Variants in MARCHF5 observed in about 807,000 individuals in gnomAD.
MARCHF5 encodes the protein E3 ubiquitin-protein ligase MARCHF5.
In MARCHF5, 5 loss-of-function variants were observed where a neutral mutation model predicts 36.5. That is an observed-to-expected ratio of 0.14 (90% CI 0.07 to 0.29). The LOEUF is 0.29. Among genes scored for constraint, MARCHF5 ranks in the 10% least tolerant of loss-of-function variants. The pLI is 1.00. For missense variants in MARCHF5, 179 were observed against 336.3 expected, an observed-to-expected ratio of 0.53 and a Z score of 3.66; for synonymous variants, 103 against 109.9, an observed-to-expected ratio of 0.94 and a Z score of 0.39.
At chr10:92,333,163 CAAAAGAAAAAAAAA>C (rs1482975156) in intron 2 of MARCHF5, among the ~76,000 whole-genome samples, 20 of 44,772 alleles carry the variant, frequency 4.5e-4, no homozygotes, top group East Asian at 1.3e-3. Context: ...TCCGTCTTGC[CAAAAGAAAAAAAAA>C]AAAAGAAAAA....
intron 1 of MARCHF5, among the ~76,000 whole-genome samples, chr10:92,294,604 T>C (rs1240427406): frequency 6.6e-6 from 1 of 152,220 alleles, no homozygotes; most frequent in African/African-American, 2.4e-5. Context: ...CCCAACCTGG[T>C]TTTTGGTGGC....
At chr10:92,324,876 T>C (rs1843336265) in intron 2 of MARCHF5, among the ~76,000 whole-genome samples, 1 of 152,208 alleles carries the variant, frequency 6.6e-6, no homozygotes, top group South Asian at 2.1e-4. Context: ...TTTAACTATA[T>C]TAAAACTTTT....
chr10:92,293,045 A>AT (rs928828420), intron 1 of MARCHF5, among the ~76,000 whole-genome samples: 29 of 151,940 alleles, frequency 1.9e-4, no homozygotes, highest in South Asian at 6.2e-4. Context: ...TTTGTAGTTA[A>AT]TTTTTTTCCT....
At chr10:92,322,232 G>A (rs1248832941) in intron 2 of MARCHF5, among the ~76,000 whole-genome samples, 3 of 86,058 alleles carry the variant, frequency 3.5e-5, no homozygotes, top group Non-Finnish European at 6.2e-5. Flanking sequence ...CAACAAGAGC[G>A]AAACTCCGTC....
chr10:92,294,185 G>A (rs1185488591), intron 1 of MARCHF5, among the ~76,000 whole-genome samples: 1 of 152,164 alleles, frequency 6.6e-6, no homozygotes, highest in Non-Finnish European at 1.5e-5. Context: ...AGAGATAGTA[G>A]GGTATAGTGA....
chr10:92,314,579 T>G (rs1843184589), intron 2 of MARCHF5, among the ~76,000 whole-genome samples: 1 of 151,984 alleles, frequency 6.6e-6, no homozygotes, highest in African/African-American at 2.4e-5. Context: ...GAGGCAGAGG[T>G]TGCTGTGAGC....
At chr10:92,340,630 T>TA in intron 2 of MARCHF5, 43 bp from the exon 3 acceptor site, 1 of 1,536,592 alleles carries the variant, frequency 6.5e-7, no homozygotes, top group Non-Finnish European at 8.8e-7. Context: ...ATTTTAAAAG[T>TA]TCACCCTGTG....
chr10:92,317,967 T>G (rs1232368074), intron 2 of MARCHF5, among the ~76,000 whole-genome samples: 1 of 152,008 alleles, frequency 6.6e-6, no homozygotes, highest in East Asian at 1.9e-4. Flanking sequence ...GCCAGGCTGG[T>G]CTAGAACTCC....
At chr10:92,344,838 A>T (rs1843622299) in intron 3 of MARCHF5, among the ~76,000 whole-genome samples, 2 of 151,732 alleles carry the variant, frequency 1.3e-5, no homozygotes, top group Non-Finnish European at 2.9e-5. Context: ...CAACACAATA[A>T]TTTTTTTTTC....
intron 2 of MARCHF5, 95 bp from the exon 3 acceptor site, chr10:92,340,578 G>C: frequency 1.5e-5 from 18 of 1,179,364 alleles, no homozygotes; most frequent in Non-Finnish European, 1.9e-5. Context: ...TGTCTTGTTG[G>C]GGGGAAGGTA....
At chr10:92,311,615 CAA>C (rs1843145745) in intron 2 of MARCHF5, among the ~76,000 whole-genome samples, 1 of 151,734 alleles carries the variant, frequency 6.6e-6, no homozygotes, top group Non-Finnish European at 1.5e-5. Flanking sequence ...AATTGAATAA[CAA>C]AGCTCTAATA....
intron 2 of MARCHF5, among the ~76,000 whole-genome samples, chr10:92,317,450 T>C (rs1271632829): frequency 6.6e-6 from 1 of 152,198 alleles, no homozygotes; most frequent in Non-Finnish European, 1.5e-5. Flanking sequence ...TTTTTAGATT[T>C]TTTTTTTAGT....
intron 1 of MARCHF5, among the ~76,000 whole-genome samples, chr10:92,308,065 C>T (rs76022987): frequency 2.0e-5 from 3 of 151,762 alleles, no homozygotes; most frequent in African/African-American, 7.2e-5. Flanking sequence ...CTCAGCCTCC[C>T]GAGTAGCTGG....
intron 2 of MARCHF5, among the ~76,000 whole-genome samples, chr10:92,314,105 G>A (rs1289966122): frequency 6.6e-6 from 1 of 152,028 alleles, no homozygotes; most frequent in East Asian, 1.9e-4. Flanking sequence ...CTAGCTACTC[G>A]GGAGGCTCAG....
intron 2 of MARCHF5, among the ~76,000 whole-genome samples, chr10:92,319,899 G>GCA (rs1564947845): frequency 1.4e-4 from 20 of 144,500 alleles, no homozygotes; most frequent in South Asian, 8.7e-4. Context: ...TGATCTGCCC[G>GCA]TCTTGGCCTC....
At chr10:92,328,817 A>ATTT (rs1343619682) in intron 2 of MARCHF5, among the ~76,000 whole-genome samples, 343 of 86,282 alleles carry the variant, frequency 4.0e-3, no homozygotes, top group Non-Finnish European at 6.6e-3. Flanking sequence ...ATATATATAT[A>ATTT]TATATTTTTT....
intron 1 of MARCHF5, among the ~76,000 whole-genome samples, chr10:92,296,642 G>A (rs765287040): frequency 6.6e-6 from 1 of 152,094 alleles, no homozygotes; most frequent in Non-Finnish European, 1.5e-5. Context: ...AAATAAACAC[G>A]CATTAATTTG....
At chr10:92,327,654 T>C (rs1843381982) in intron 2 of MARCHF5, among the ~76,000 whole-genome samples, 1 of 152,228 alleles carries the variant, frequency 6.6e-6, no homozygotes, top group African/African-American at 2.4e-5. Flanking sequence ...TGCTTCCCCA[T>C]TGCCTTTGCC....
intron 2 of MARCHF5, among the ~76,000 whole-genome samples, chr10:92,315,689 T>C (rs1283490135): frequency 6.6e-6 from 1 of 152,224 alleles, no homozygotes; most frequent in African/African-American, 2.4e-5. Context: ...GCATTCTGAG[T>C]TAAATGTATT....
Sources: gnomAD v4.1 joint callset for allele counts (sites outside exome capture counted in the v4.1 genomes callset) on GRCh38, gnomAD v4.1.1 for gene constraint, MANE v1.5 for transcripts, NCBI Gene and HGNC (gene_info 2026-07-23, HGNC 2026-07-21) for gene names.